MTA3: variants seen among roughly 807,000 people sequenced by gnomAD.
The protein encoded by MTA3 is metastasis associated 1 family member 3.
Under a neutral mutation model 83.5 loss-of-function variants are expected in MTA3, and 34 were observed. That is an observed-to-expected ratio of 0.41 (90% CI 0.31 to 0.54). The LOEUF (loss-of-function observed/expected upper bound fraction) is 0.54, where lower values mean the gene tolerates loss of function less well. MTA3 is among the 20% of genes least tolerant of loss of function. The probability of loss-of-function intolerance (pLI) is 0.33; values close to 1 mark genes in which losing one functional copy is unlikely to be tolerated. For synonymous variants in MTA3, 303 were observed against 252.7 expected, an observed-to-expected ratio of 1.20 and a Z score of -1.89; for missense variants, 761 against 726.4, an observed-to-expected ratio of 1.05 and a Z score of -0.55.
intron 2 of MTA3, among the ~76,000 whole-genome samples, chr2:42,533,831 CAAA>C (rs11362156): frequency 3.8e-4 from 44 of 114,896 alleles, no homozygotes; most frequent in South Asian, 1.2e-3. Flanking sequence ...GACTCCGTCT[CAAA>C]AAAAAAAAAA....
chr2:42,549,066 C>A (rs1340322168), intron 2 of MTA3, among the ~76,000 whole-genome samples: 1 of 134,848 alleles, frequency 7.4e-6, no homozygotes, highest in African/African-American at 2.8e-5. Context: ...CCCAGCTACT[C>A]GGAGGCTGAG....
intron 8 of MTA3, among the ~76,000 whole-genome samples, chr2:42,674,596 C>CT (rs34154066): frequency 0.026 from 3,027 of 114,236 alleles, 67 homozygotes; most frequent in African/African-American, 0.06. Context: ...TTTTCTTCTT[C>CT]TTTTTTTTTT....
chr2:42,587,124 C>T (rs977022975), intron 3 of MTA3, among the ~76,000 whole-genome samples: 9 of 150,810 alleles, frequency 6.0e-5, no homozygotes, highest in African/African-American at 2.2e-4. Context: ...ACCCAGGAGG[C>T]GGAGGTTGCA....
chr2:42,648,984 GTGTA>G (rs1263442670), intron 6 of MTA3, among the ~76,000 whole-genome samples: 4 of 152,172 alleles, frequency 2.6e-5, no homozygotes, highest in African/African-American at 9.7e-5. Flanking sequence ...GGGAATGATA[GTGTA>G]TGTAATACAT....
intron 2 of MTA3, among the ~76,000 whole-genome samples, chr2:42,510,576 A>T (rs1171798876): frequency 6.6e-6 from 1 of 152,238 alleles, no homozygotes; most frequent in Non-Finnish European, 1.5e-5. Flanking sequence ...TGTGAATTAT[A>T]TCTTAATGAC....
At chr2:42,641,092 A>C (rs1687651668) in intron 5 of MTA3, among the ~76,000 whole-genome samples, 1 of 151,744 alleles carries the variant, frequency 6.6e-6, no homozygotes. Flanking sequence ...TTTTTGGTAG[A>C]GATGGGGTTT....
intron 14 of MTA3, among the ~76,000 whole-genome samples, chr2:42,718,778 C>A (rs542406065): frequency 8.6e-5 from 13 of 152,040 alleles, no homozygotes; most frequent in East Asian, 1.9e-4. Context: ...AATACTACTA[C>A]TAATAATTAC....
In MTA3 at chr2:42,688,614, G is replaced by GT. The variant is rs3040121; in HGVS notation, c.891+6041dup. On this transcript the variant is annotated intron_variant, in intron 9 of 16. Transcript: ENST00000405094. ...TTTGTTATGTATTTTGCATTCAAGT[G>GT]TTTTTTTTTTTTTTTTGTAACATTC... 1.8e-3 allele frequency among the ~76,000 whole-genome samples: 214 copies of GT among 121,516 alleles called. 1 individual carries two copies. Among genetic ancestry groups the GT allele is most frequent in the South Asian group, 7.8e-3 (29 of 3,736 alleles). The allele number at this position is 121,516 out of a possible 152,430, so 79.7% of individuals were successfully genotyped here.
chr2:42,529,471 G>A (rs1282439146), intron 2 of MTA3, among the ~76,000 whole-genome samples: 1 of 152,222 alleles, frequency 6.6e-6, no homozygotes, highest in Non-Finnish European at 1.5e-5. Flanking sequence ...AAGCAACTGA[G>A]AGCCAAGAGA....
chr2:42,520,786 G>A (rs137942012), intron 2 of MTA3, among the ~76,000 whole-genome samples: 3 of 151,976 alleles, frequency 2.0e-5, no homozygotes, highest in Non-Finnish European at 2.9e-5. Context: ...GGCTGGTCTC[G>A]AACTCCTAGC....
intron 9 of MTA3, among the ~76,000 whole-genome samples, chr2:42,690,856 T>TTTTTTTTATTTA (rs1420663050): frequency 2.9e-5 from 4 of 136,112 alleles, no homozygotes; most frequent in African/African-American, 8.4e-5. Context: ...TGTATTTTTA[T>TTTTTTTTATTTA]TTTATTTATT....
At chr2:42,749,776 T>A (rs1431050464) in intron 16 of MTA3, among the ~76,000 whole-genome samples, 1 of 151,750 alleles carries the variant, frequency 6.6e-6, no homozygotes, top group Non-Finnish European at 1.5e-5. Context: ...CCTCAAACAG[T>A]TGTTCTTTAT....
At chr2:42,620,462 A>T (rs1197793184) in intron 4 of MTA3, among the ~76,000 whole-genome samples, 2 of 151,954 alleles carry the variant, frequency 1.3e-5, no homozygotes, top group Admixed American at 1.3e-4. Context: ...GTACACCTAA[A>T]CCCACTTCTG....
intron 10 of MTA3, among the ~76,000 whole-genome samples, chr2:42,697,072 AGCCTTATATTC>A (rs1277622299): frequency 6.6e-6 from 1 of 152,222 alleles, no homozygotes. Context: ...AATAGAAGAT[AGCCTTATATTC>A]TGGTTTGTCT....
At chr2:42,705,913 G>A (rs926182075) in intron 12 of MTA3, among the ~76,000 whole-genome samples, 1 of 152,094 alleles carries the variant, frequency 6.6e-6, no homozygotes, top group Non-Finnish European at 1.5e-5. Flanking sequence ...GATAGAACTT[G>A]ATGTTTTCTA....
At chr2:42,632,633 T>C (rs1424317437) in intron 4 of MTA3, among the ~76,000 whole-genome samples, 1 of 152,202 alleles carries the variant, frequency 6.6e-6, no homozygotes, top group African/African-American at 2.4e-5. Context: ...TTCTTTCATA[T>C]TTGTTATCAA....
rs1669173001 is a variant in MTA3, at chr2:42,743,298, CT to C, written c.1760-10073del. Among the ~76,000 whole-genome samples the C allele has an allele frequency of 3.3e-5, 5 of 152,334 alleles. No homozygotes were observed. In the South Asian group the frequency reaches 1.0e-3, roughly 32 times the overall value. On this transcript the variant is annotated intron_variant, in intron 16 of 16. Transcript: ENST00000405094. ...CAAGGCGATTGCCTGCTATCTCAGTCTTTATCAGAAGGGGGCCTTGAGAAAG... is the reference window on the plus strand; with the variant it reads ...CAAGGCGATTGCCTGCTATCTCAGTCTTATCAGAAGGGGGCCTTGAGAAAG...
chr2:42,692,919 CCTT>C (rs1341752303), intron 9 of MTA3, among the ~76,000 whole-genome samples: 1 of 152,192 alleles, frequency 6.6e-6, no homozygotes, highest in Non-Finnish European at 1.5e-5. Context: ...TTGTGTCCGT[CCTT>C]CTTGAAAAGG....
chr2:42,556,672 C>T (rs1021473413), intron 2 of MTA3, among the ~76,000 whole-genome samples: 2 of 152,292 alleles, frequency 1.3e-5, no homozygotes, highest in African/African-American at 4.8e-5. Context: ...AACCTTCAGC[C>T]AGAAAGCCAC....
Sources: allele counts gnomAD v4.1 joint callset (sites outside exome capture counted in the v4.1 genomes callset), GRCh38; gene constraint gnomAD v4.1.1; transcripts MANE v1.5; gene names NCBI Gene and HGNC (gene_info 2026-07-23, HGNC 2026-07-21).